Variants in NUBPL observed in about 807,000 individuals in gnomAD.
NUBPL encodes iron-sulfur cluster transfer protein NUBPL.
In NUBPL, 31 loss-of-function variants were observed where a neutral mutation model predicts 45.7. The observed-to-expected ratio is 0.68, with a 90% CI of 0.51 to 0.92. NUBPL has a LOEUF of 0.92. NUBPL is among the 40% of genes least tolerant of loss of function. The probability of loss-of-function intolerance (pLI) is 0.00; values close to 1 mark genes in which losing one functional copy is unlikely to be tolerated. For synonymous variants in NUBPL, 144 were observed against 140.9 expected (o/e 1.02, Z -0.15); for missense variants, 401 against 398.7 (o/e 1.01, Z -0.05).
chr14:31,575,815 AGG>A (rs1484322530), intron 3 of NUBPL, among the ~76,000 whole-genome samples: 1 of 152,212 alleles, frequency 6.6e-6, no homozygotes, highest in Non-Finnish European at 1.5e-5. Flanking sequence ...TTTGGAGGAA[AGG>A]TATGCTATTT....
intron 7 of NUBPL, among the ~76,000 whole-genome samples, chr14:31,820,345 A>C (rs752125174): frequency 2.0e-5 from 3 of 152,158 alleles, no homozygotes; most frequent in Non-Finnish European, 4.4e-5. Context: ...GACATCATTA[A>C]TGATGGTATA....
Position 31,740,887 on chromosome 14 carries a change from A to G in NUBPL, c.514-46893A>G, listed in dbSNP as rs188284337. 1.2e-4 allele frequency among the ~76,000 whole-genome samples: 19 copies of G among 152,256 alleles called. No individual in the cohort carries two copies. In the East Asian group the frequency reaches 2.1e-3, roughly 17 times the overall value. Reference sequence around the variant, plus strand: ...AAGCTCAGAAACTCTTTCTTCAGCCATTTCCAGTCTACTAATATGTCCATC... The same window carrying G: ...AAGCTCAGAAACTCTTTCTTCAGCCGTTTCCAGTCTACTAATATGTCCATC... On this transcript the variant is annotated intron_variant, in intron 6 of 10. Coordinates refer to ENST00000281081, the MANE Select transcript of NUBPL (RefSeq NM_025152.3).
At chr14:31,681,447 TC>T (rs1334573109) in intron 6 of NUBPL, among the ~76,000 whole-genome samples, 1 of 150,994 alleles carries the variant, frequency 6.6e-6, no homozygotes, top group East Asian at 1.9e-4. Flanking sequence ...TCTTGATTGT[TC>T]TTGCCAGATG....
chr14:31,626,538 G>T (rs954383247), intron 4 of NUBPL, among the ~76,000 whole-genome samples: 2 of 152,216 alleles, frequency 1.3e-5, no homozygotes, highest in Non-Finnish European at 2.9e-5. Flanking sequence ...TCCAGGCAGA[G>T]ATTGGAAATG....
At chr14:31,782,079 T>G (rs1368588612) in intron 6 of NUBPL, among the ~76,000 whole-genome samples, 2 of 152,216 alleles carry the variant, frequency 1.3e-5, no homozygotes, top group Non-Finnish European at 2.9e-5. Context: ...ATATTTTATG[T>G]GTTTCTTATA....
intron 6 of NUBPL, among the ~76,000 whole-genome samples, chr14:31,706,116 A>G (rs551576840): frequency 6.6e-6 from 1 of 152,164 alleles, no homozygotes; most frequent in South Asian, 2.1e-4. Context: ...AGATGCCAAG[A>G]GTGAGCAAGG....
intron 4 of NUBPL, among the ~76,000 whole-genome samples, chr14:31,603,325 A>G (rs1323265050): frequency 6.6e-6 from 1 of 151,378 alleles, no homozygotes; most frequent in African/African-American, 2.4e-5. Context: ...AAAGAAAAAG[A>G]AAAGAAAAGA....
chr14:31,812,836 A>AAGACAGAC (rs375802076), intron 7 of NUBPL, among the ~76,000 whole-genome samples: 19 of 152,256 alleles, frequency 1.2e-4, no homozygotes, highest in South Asian at 6.2e-4. Context: ...AAGGAGAATG[A>AAGACAGAC]AGACAGACAG....
At chr14:31,683,605 C>T (rs1467694727) in intron 6 of NUBPL, among the ~76,000 whole-genome samples, 3 of 152,110 alleles carry the variant, frequency 2.0e-5, no homozygotes, top group African/African-American at 7.2e-5. Flanking sequence ...CCCGCCTCAG[C>T]CCCCCAAAGT....
chr14:31,689,576 G>A (rs566564259), intron 6 of NUBPL, among the ~76,000 whole-genome samples: 1 of 152,188 alleles, frequency 6.6e-6, no homozygotes, highest in Non-Finnish European at 1.5e-5. Context: ...TTTGTCAGAT[G>A]CATAGTTTGT....
At chr14:31,760,356 G>A (rs576047600) in intron 6 of NUBPL, among the ~76,000 whole-genome samples, 122 of 151,738 alleles carry the variant, frequency 8.0e-4, no homozygotes, top group Non-Finnish European at 1.5e-3. Flanking sequence ...GTTTTGCTGC[G>A]TTGCCAGTCT....
At position 31,846,451 on chromosome 14, in the gene NUBPL, T is replaced by G. The variant is rs370659666; in HGVS notation, c.694-20T>G. On this transcript the variant is annotated intron_variant, in intron 8 of 10. Transcript: ENST00000281081. ...TATTTGGTTTAATTTTATTTTGATT[T>G]CAGTGTGTTTTTATTCTAGGTCCTT... is the stretch of plus-strand genomic sequence containing the variant. The G allele has an allele frequency of 4.8e-5, 76 of 1,597,740 alleles. No homozygotes were observed. The highest frequency in any genetic ancestry group is 5.6e-5 in the Non-Finnish European group (66 of 1,168,526).
At chr14:31,633,263 G>A (rs778007647) in intron 4 of NUBPL, among the ~76,000 whole-genome samples, 3 of 152,156 alleles carry the variant, frequency 2.0e-5, no homozygotes, top group Non-Finnish European at 4.4e-5. Flanking sequence ...TGGCAGCCGA[G>A]GTGGGTTGCA....
intron 6 of NUBPL, among the ~76,000 whole-genome samples, chr14:31,708,360 G>T (rs1164177228): frequency 6.6e-6 from 1 of 152,086 alleles, no homozygotes; most frequent in Non-Finnish European, 1.5e-5. Context: ...GGCATTTTTT[G>T]CTTTTCCAAA....
rs1014763888 is a variant in NUBPL, at chr14:31,758,208, A to C, written c.514-29572A>C. ...TCTTGTTCACTGTTAACTTTGCAGT[A>C]CTTCAAACAAGTACTTGGCAAATAT... On this transcript the variant is annotated intron_variant, in intron 6 of 10. Coordinates refer to ENST00000281081, the MANE Select transcript of NUBPL (RefSeq NM_025152.3). Among the ~76,000 whole-genome samples the C allele has an allele frequency of 2.0e-5, 3 of 152,206 alleles. No individual in the cohort carries two copies. The East Asian group carries it at 5.8e-4, about 29-fold the overall frequency.
chr14:31,705,356 G>T (rs545958676), intron 6 of NUBPL, among the ~76,000 whole-genome samples: 1 of 152,224 alleles, frequency 6.6e-6, no homozygotes, highest in Non-Finnish European at 1.5e-5. Context: ...AACCGAGCGG[G>T]TCGCCGGCTG....
At chr14:31,719,643 G>GCAT (rs143845876) in intron 6 of NUBPL, among the ~76,000 whole-genome samples, 7,172 of 152,150 alleles carry the variant, frequency 0.047, 210 homozygotes, top group Admixed American at 0.066. Flanking sequence ...GCTTTTAGGT[G>GCAT]CATAGCATTA....
chr14:31,577,893 G>A (rs139189559), intron 3 of NUBPL: 2 of 1,169,764 alleles, frequency 1.7e-6, no homozygotes, highest in African/African-American at 1.6e-5. Context: ...TTCAAGTAAT[G>A]TCATTTCCTC....
intron 7 of NUBPL, among the ~76,000 whole-genome samples, chr14:31,809,867 G>A (rs550037388): frequency 7.2e-5 from 11 of 152,086 alleles, no homozygotes; most frequent in East Asian, 1.9e-4. Flanking sequence ...CCTTCATTTC[G>A]TTATGTACCC....
Sources: gnomAD v4.1 joint callset for allele counts (sites outside exome capture counted in the v4.1 genomes callset) on GRCh38, gnomAD v4.1.1 for gene constraint, MANE v1.5 for transcripts, NCBI Gene and HGNC (gene_info 2026-07-23, HGNC 2026-07-21) for gene names.